FGFR1: variants seen among roughly 807,000 people sequenced by gnomAD.
FGFR1 encodes the protein fibroblast growth factor receptor 1, also known as FGFR1/PLAG1 fusion.
Under a neutral mutation model 93.7 loss-of-function variants are expected in FGFR1, and 18 were observed. The ratio of observed to expected loss-of-function variants is 0.19; its 90% CI spans 0.13 to 0.28. The LOEUF (loss-of-function observed/expected upper bound fraction) is 0.28. Ranked by LOEUF, FGFR1 falls within the 10% of genes least tolerant of loss-of-function variation. FGFR1 has a pLI of 1.00. For synonymous variants in FGFR1, 448 were observed against 429.3 expected (o/e 1.04, Z -0.54); for missense variants, 731 against 1,080.4 (o/e 0.68, Z 4.53).
At position 38,457,450 on chromosome 8, in the gene FGFR1, A is replaced by C; in HGVS notation, c.-4T>G. The C allele has an allele frequency of 6.2e-7, 1 of 1,614,074 alleles. No homozygotes were observed. Among genetic ancestry groups the C allele is most frequent in the Non-Finnish European group, 8.5e-7 (1 of 1,180,014 alleles). ...GGAGGCACTTCCAGCTCCACATCCC[A>C]GTTCTGCAGTTAGAGGTTGGTGACA... On this transcript the variant is annotated 5_prime_UTR_variant, in exon 2 of 18. Transcript: ENST00000447712.
chr8:38,442,332 A>G (rs917102801), intron 2 of FGFR1, among the ~76,000 whole-genome samples: 14 of 151,110 alleles, frequency 9.3e-5, no homozygotes, highest in Non-Finnish European at 2.1e-4. Flanking sequence ...AGTGCATAAG[A>G]AAGAACATCT....
intron 9 of FGFR1, 64 bp downstream of exon 9, chr8:38,419,469 G>A (rs1817914926): frequency 1.4e-6 from 2 of 1,407,400 alleles, no homozygotes; most frequent in Non-Finnish European, 2.0e-6. Context: ...CAATGGAGAG[G>A]GCAGGGCATT....
rs1220503560 is a variant in FGFR1 at position 38,426,941 on chromosome 8, C to T, written c.622-696G>A. On this transcript the variant is annotated intron_variant, in intron 5 of 17. Coordinates refer to ENST00000447712, the MANE Select transcript of FGFR1 (RefSeq NM_023110.3). This position sits in a 1 kb window ranked among gnomAD's most constrained non-coding sequence, Gnocchi z 4.1. ...CAGCCTGGCCAACATGGGGAAACCC[C>T]GTCTCTACTAAAAATACAAAAATTA... 2.6e-5 allele frequency among the ~76,000 whole-genome samples: 4 copies of T among 152,052 alleles called. No homozygotes were observed. The highest frequency in any genetic ancestry group is 3.9e-4 in the East Asian group (2 of 5,188).
At chr8:38,448,422 G>T (rs1830056968) in intron 2 of FGFR1, among the ~76,000 whole-genome samples, 1 of 152,108 alleles carries the variant, frequency 6.6e-6, no homozygotes, top group East Asian at 1.9e-4. Flanking sequence ...TGGGATTATA[G>T]GTGCGTGCCA....
chr8:38,454,376 T>C (rs1302295835), intron 2 of FGFR1, among the ~76,000 whole-genome samples: 1 of 152,226 alleles, frequency 6.6e-6, no homozygotes, highest in African/African-American at 2.4e-5. Context: ...AGCTCCTTGC[T>C]ACTCTTCCAC....
chr8:38,455,571 G>A (rs1350112204), intron 2 of FGFR1, among the ~76,000 whole-genome samples: 3 of 152,210 alleles, frequency 2.0e-5, no homozygotes, highest in East Asian at 1.9e-4. Flanking sequence ...GATTACAGGC[G>A]TGAGCCACCG....
intron 2 of FGFR1, among the ~76,000 whole-genome samples, chr8:38,452,447 G>A (rs1218753733): frequency 6.6e-6 from 1 of 151,952 alleles, no homozygotes; most frequent in Non-Finnish European, 1.5e-5. Context: ...CTCAACTCCT[G>A]GGCTCAAGCA....
intron 2 of FGFR1, among the ~76,000 whole-genome samples, chr8:38,449,512 C>T (rs1346790315): frequency 6.6e-6 from 1 of 152,188 alleles, no homozygotes; most frequent in Non-Finnish European, 1.5e-5. Flanking sequence ...CTCCTAGAAA[C>T]CTCCGTGTTG....
intron 7 of FGFR1, chr8:38,422,978 G>A (rs1181845864): frequency 2.6e-6 from 2 of 774,510 alleles, no homozygotes; most frequent in Non-Finnish European, 4.8e-6. Flanking sequence ...GCAGCTTGGG[G>A]CCTACATCAA....
chr8:38,424,553 T>C lies in FGFR1; in HGVS notation c.892A>G (p.Ser298Gly). ...QWLKHIEVNG[S>G]KIGPDNLPYV... ...GGCAGGTTGTCTGGGCCAATCTTGCTCCCATTCACCTCGATGTGCTTTAGC... is the reference window on the plus strand; with the variant it reads ...GGCAGGTTGTCTGGGCCAATCTTGCCCCCATTCACCTCGATGTGCTTTAGC... The change falls in exon 7 of 18, where the codon AGC (serine) becomes GGC (glycine). Residue 298 changes from serine to glycine, a missense_variant. Coordinates refer to ENST00000447712, the MANE Select transcript of FGFR1 (RefSeq NM_023110.3). This position sits in a 1 kb window ranked among gnomAD's most constrained non-coding sequence, Gnocchi z 4.3. 6.2e-7 allele frequency: 1 copy of C among 1,614,230 alleles called. No homozygotes were observed. The highest frequency in any genetic ancestry group is 8.5e-7 in the Non-Finnish European group (1 of 1,180,044).
chr8:38,417,473 G>T, intron 11 of FGFR1, 57 bp from the exon 12 acceptor site: 1 of 1,440,114 alleles, frequency 6.9e-7, no homozygotes. Flanking sequence ...CAGGATAAAG[G>T]CTAAGGGAGT....
At position 38,429,760 on chromosome 8, in the gene FGFR1, C is replaced by T. The variant is rs751512391; in HGVS notation, c.280G>A (p.Ala94Thr). 9.4e-6 allele frequency: 15 copies of T among 1,601,114 alleles called. No individual in the cohort carries two copies. Among genetic ancestry groups the T allele is most frequent in the African/African-American group, 5.4e-5 (4 of 74,624 alleles). ...EEVEVQDSVPADSGLYACVTS... is the reference protein window; with the variant it reads ...EEVEVQDSVPTDSGLYACVTS... The stretch of plus-strand genomic sequence containing the variant: ...ACGCAAGCATAGAGGCCGGAGTCTG[C>T]GGGCACGGAGTCCTGCACCTCCACC... The change falls in exon 3 of 18, where the codon GCA (alanine) becomes ACA (threonine). Residue 94 changes from alanine to threonine, a missense_variant. Coordinates refer to ENST00000447712, the MANE Select transcript of FGFR1 (RefSeq NM_023110.3). This position sits in a 1 kb window ranked among gnomAD's most constrained non-coding sequence, Gnocchi z 4.4.
chr8:38,425,707 G>A (rs917340749), intron 6 of FGFR1, among the ~76,000 whole-genome samples: 67 of 152,350 alleles, frequency 4.4e-4, no homozygotes, highest in African/African-American at 1.3e-3. Flanking sequence ...GAGCCTATGC[G>A]CCTGTGCTCC....
chr8:38,427,154 G>A (rs1446262502), intron 5 of FGFR1, among the ~76,000 whole-genome samples: 1 of 151,384 alleles, frequency 6.6e-6, no homozygotes, highest in African/African-American at 2.4e-5. Flanking sequence ...AATTTCACTT[G>A]TAACAATCTG....
rs1814798892 is a variant in FGFR1, at chr8:38,412,772, A to G, written c.*856T>C. ...TTATTGAGGGACCTAAACTGAAAAT[A>G]GGTTTAGAACATAATTTAAAAAAAT... On this transcript the variant is annotated 3_prime_UTR_variant, in exon 18 of 18. Coordinates refer to ENST00000447712, the MANE Select transcript of FGFR1 (RefSeq NM_023110.3). 1 of 233,594 alleles carries G rather than the reference A, an allele frequency of 4.3e-6. No homozygotes were observed. The highest frequency in any genetic ancestry group is 1.8e-4 in the South Asian group (1 of 5,538). The allele number at this position is 233,594 out of a possible 1,614,324, so 14.5% of individuals were successfully genotyped here.
intron 2 of FGFR1, among the ~76,000 whole-genome samples, chr8:38,437,780 C>G (rs548567239): frequency 6.6e-6 from 1 of 152,142 alleles, no homozygotes; most frequent in South Asian, 2.1e-4. Flanking sequence ...AGGGAACACA[C>G]CTCTCTGCAG....
At chr8:38,438,538 G>A (rs1429164811) in intron 2 of FGFR1, among the ~76,000 whole-genome samples, 2 of 141,442 alleles carry the variant, frequency 1.4e-5, no homozygotes, top group African/African-American at 2.7e-5. Flanking sequence ...CCCAGACTCC[G>A]TCTCAAAAAA....
chr8:38,462,391 C>G (rs934210934), intron 1 of FGFR1, among the ~76,000 whole-genome samples: 4 of 151,740 alleles, frequency 2.6e-5, no homozygotes, highest in Admixed American at 2.0e-4. Flanking sequence ...GTAGTCCCAG[C>G]TACTCAGGAG....
At chr8:38,427,839 A>T (rs2150905667) in intron 5 of FGFR1, 82 bp downstream of exon 5, 4 of 1,508,442 alleles carry the variant, frequency 2.7e-6, no homozygotes, top group Non-Finnish European at 3.7e-6. Context: ...TACTTAAAAA[A>T]ATGAAAAGCA....
Sources: gnomAD v4.1 joint callset for allele counts (sites outside exome capture counted in the v4.1 genomes callset) on GRCh38, gnomAD v4.1.1 for gene constraint, Gnocchi (gnomAD v3.1) non-coding constraint, MANE v1.5 for transcripts, NCBI Gene and HGNC (gene_info 2026-07-23, HGNC 2026-07-21) for gene names.